STAB1: variants seen among roughly 807,000 people sequenced by gnomAD.
The protein encoded by STAB1 is stabilin-1.
Under a neutral mutation model 332.4 loss-of-function variants are expected in STAB1, and 250 were observed. The ratio of observed to expected loss-of-function variants is 0.75; its 90% CI spans 0.68 to 0.84. The LOEUF is 0.84. Ranked by LOEUF, STAB1 falls within the 40% of genes least tolerant of loss-of-function variation. The pLI is 0.00. For missense variants in STAB1, 3,249 were observed against 3,489.7 expected, an observed-to-expected ratio of 0.93 and a Z score of 1.74; for synonymous variants, 1,475 against 1,390.4, an observed-to-expected ratio of 1.06 and a Z score of -1.35.
intron 48 of STAB1, among the ~76,000 whole-genome samples, 156 bp downstream of exon 48, chr3:52,519,025 C>CTGGGCCTCGCCCACTGCTG (rs2078980066): frequency 6.6e-6 from 1 of 151,960 alleles, no homozygotes; most frequent in Non-Finnish European, 1.5e-5. Context: ...CGCCCTTGAC[C>CTGGGCCTCGCCCACTGCTG]TGGGCCTCGC....
At chr3:52,505,556 T>TC (rs1708788955) in intron 14 of STAB1, 112 bp from the exon 15 acceptor site, 1 of 1,234,930 alleles carries the variant, frequency 8.1e-7, no homozygotes, top group Non-Finnish European at 1.1e-6. Context: ...TGCCCATGTC[T>TC]CCCCCTTACT....
At chr3:52,511,175 G>A (rs1002760316) in intron 25 of STAB1, among the ~76,000 whole-genome samples, 3 of 152,196 alleles carry the variant, frequency 2.0e-5, no homozygotes, top group African/African-American at 7.2e-5. Context: ...TGCAAACAAG[G>A]GCACCTGAGA....
chr3:52,502,317 C>A, intron 5 of STAB1, 89 bp downstream of exon 5: 2 of 1,404,348 alleles, frequency 1.4e-6, no homozygotes, highest in Non-Finnish European at 2.0e-6. Context: ...CCACCTGTCC[C>A]TTCAGCCTCT....
At position 52,517,613 on chromosome 3, in the gene STAB1, C is replaced by G. The variant is rs2153233882; in HGVS notation, c.4627C>G (p.Pro1543Ala). Residue 1543 changes from proline (P) to alanine (A), a missense_variant, in exon 44 of 69, where the codon CCC becomes GCC. Physicochemically the swap from Pro to Ala is conservative, Grantham distance 27 (BLOSUM62 -1). Coordinates refer to ENST00000321725, the MANE Select transcript of STAB1 (RefSeq NM_015136.3). ...CATCCGGACCTGCGAGCTCCTGGAC[C>G]CCTGCTCTAAGGTCAGGACCCTAGT... ...DGIRTCELLD[P>A]CSKNNGGCSP... is the part of the protein sequence containing the mutation. 1 of 1,612,812 alleles carries G rather than the reference C, an allele frequency of 6.2e-7. No individual in the cohort carries two copies. The highest frequency in any genetic ancestry group is 1.3e-5 in the African/African-American group (1 of 75,020).
Position 52,510,439 on chromosome 3 carries a change from G to C in STAB1, c.2719G>C (p.Glu907Gln), listed in dbSNP as rs200964966. ...TGGCCGCGTCTGTGTGGCTATTGAC[G>C]AGTGTGAGCTGGACATGAGAGGTGG... ...GDGRVCVAID[E>Q]CELDMRGGCH... The change falls in exon 25 of 69, where the codon GAG becomes CAG. Residue 907 changes from glutamate (E) to glutamine (Q), a missense_variant. Coordinates refer to ENST00000321725, the MANE Select transcript of STAB1 (RefSeq NM_015136.3). 2.5e-6 allele frequency: 4 copies of C among 1,613,718 alleles called. No individual in the cohort carries two copies. In the African/African-American group the frequency reaches 5.3e-5, roughly 22 times the overall value.
In STAB1 at chr3:52,502,093, T is replaced by C. The variant is rs770768274; in HGVS notation, c.417+2T>C. 7 of 1,613,604 alleles carry C rather than the reference T, an allele frequency of 4.3e-6. No individual in the cohort carries two copies. Among genetic ancestry groups the C allele is most frequent in the South Asian group, 1.1e-5 (1 of 91,074 alleles). On this transcript the variant is annotated splice_donor_variant, in intron 4 of 68. Transcript: ENST00000321725. LOFTEE classifies it high-confidence loss of function. The stretch of plus-strand genomic sequence containing the variant: ...AGGAATGGGACCTGTGTGTGCCAGG[T>C]AAGGGCTGGGCAAGGTGGGGTGGAG...
In STAB1 at chr3:52,513,892, C is replaced by A; in HGVS notation, c.3358C>A (p.Pro1120Thr). The A allele has an allele frequency of 1.2e-6, 2 of 1,603,884 alleles. No homozygotes were observed. The highest frequency in any genetic ancestry group is 1.7e-6 in the Non-Finnish European group (2 of 1,173,040). The change falls in exon 32 of 69, where the codon CCC becomes ACC. Residue 1120 changes from proline (P) to threonine (T), a missense_variant. Pro to Thr is a conservative substitution (Grantham distance 38). Transcript: ENST00000321725. ...VLHILSQVLL[P>T]PRGDVPGGQG... ...CTGTGCTCTGTACCAGGTCTTACTG[C>A]CCCCCCGAGGGGATGTGCCCGGTGG...
intron 10 of STAB1, 62 bp downstream of exon 10, chr3:52,504,217 G>T: frequency 6.5e-7 from 1 of 1,540,130 alleles, no homozygotes; most frequent in Admixed American, 1.9e-5. Flanking sequence ...TTGGCAGGGA[G>T]GGAGGAGCTG....
Position 52,523,914 on chromosome 3 carries a change from T to TGG in STAB1, c.7443_7444dup (p.Ala2482GlyfsTer119), listed in dbSNP as rs752584935. The TGG allele has an allele frequency of 2.2e-5, 36 of 1,608,692 alleles. No individual in the cohort carries two copies. Among genetic ancestry groups the TGG allele is most frequent in the Non-Finnish European group, 2.6e-5 (31 of 1,179,612 alleles). On this transcript the variant is annotated frameshift_variant, in exon 67 of 69. Transcript: ENST00000321725. LOFTEE classifies it high-confidence loss of function. ...GAAGCCCCACCTGTGGCGGCAGGCG[T>TGG]GGGGGCTGTGCTTGCCGCTGGAGCA... is the stretch of plus-strand genomic sequence containing the variant.
chr3:52,502,776 G>A, intron 6 of STAB1, 49 bp downstream of exon 6: 2 of 1,575,760 alleles, frequency 1.3e-6, no homozygotes, highest in Non-Finnish European at 1.7e-6. Context: ...CCTGTGGCCA[G>A]AGCAAAAGAG....
intron 1 of STAB1, among the ~76,000 whole-genome samples, chr3:52,500,115 C>T (rs1708335505): frequency 6.6e-6 from 1 of 152,148 alleles, no homozygotes; most frequent in Non-Finnish European, 1.5e-5. Context: ...CTGCCCTGGA[C>T]TCTGCCTCAC....
At position 52,514,444 on chromosome 3, in the gene STAB1, A is replaced by G; in HGVS notation, c.3626A>G (p.Asn1209Ser). 6.4e-7 allele frequency: 1 copy of G among 1,553,712 alleles called. No individual in the cohort carries two copies. Among genetic ancestry groups the G allele is most frequent in the African/African-American group, 1.4e-5 (1 of 73,130 alleles). ...ACCCTGCGGAAGGGTGGACACCGCA[A>G]CTCCCTCCTGGGCCCTGCCCACTGG... ...METLRKGGHR[N>S]SLLGPAHWIV... Residue 1209 changes from asparagine (N) to serine (S), a missense_variant, in exon 34 of 69, where the codon AAC becomes AGC. Transcript: ENST00000321725.
In STAB1 at chr3:52,508,033, G is replaced by T. The variant is rs373697340; in HGVS notation, c.2148+7G>T. The T allele has an allele frequency of 6.2e-7, 1 of 1,611,702 alleles. No individual in the cohort carries two copies. The highest frequency in any genetic ancestry group is 8.5e-7 in the Non-Finnish European group (1 of 1,179,186). On this transcript the variant is annotated splice_region_variant and intron_variant, in intron 20 of 68. Transcript: ENST00000321725. Reference sequence around the variant, plus strand: ...CTGCAACCAAACCATCATGGTAAGCGTGGGCATGGGTGCCCACTCCCAGGT... The same window carrying T: ...CTGCAACCAAACCATCATGGTAAGCTTGGGCATGGGTGCCCACTCCCAGGT...
At chr3:52,499,760 G>A (rs368676901) in intron 1 of STAB1, among the ~76,000 whole-genome samples, 12 of 149,984 alleles carry the variant, frequency 8.0e-5, no homozygotes, top group African/African-American at 2.7e-4. Flanking sequence ...TTAGCCGGGC[G>A]TAGTGGCGGG....
chr3:52,515,740 G>A (rs2078841056), intron 37 of STAB1, among the ~76,000 whole-genome samples: 1 of 152,082 alleles, frequency 6.6e-6, no homozygotes, highest in African/African-American at 2.4e-5. Flanking sequence ...AGGAAGAAAG[G>A]GCAGTCCAGA....
rs537756258 is a variant in STAB1 at position 52,505,048 on chromosome 3, A to G, written c.1423A>G (p.Ile475Val). The change falls in exon 13 of 69, where the codon ATC becomes GTC. Residue 475 changes from isoleucine to valine, a missense_variant. Coordinates refer to ENST00000321725, the MANE Select transcript of STAB1 (RefSeq NM_015136.3). ...YKDQPQQTFN[I>V]YKANNIAANG... ...AGACCAGCCCCAGCAGACGTTCAAC[A>G]TCTACAAGGCCAACAACATAGCAGC... 6.2e-6 allele frequency: 10 copies of G among 1,613,840 alleles called. No individual in the cohort carries two copies. The highest frequency in any genetic ancestry group is 1.6e-4 in the Middle Eastern group (1 of 6,062).
At position 52,513,907 on chromosome 3, in the gene STAB1, G is replaced by T. The variant is rs772904540; in HGVS notation, c.3373G>T (p.Val1125Leu). The T allele has an allele frequency of 6.2e-7, 1 of 1,604,830 alleles. No homozygotes were observed. The highest frequency in any genetic ancestry group is 1.1e-5 in the South Asian group (1 of 90,500). Residue 1125 changes from valine (V) to leucine (L), a missense_variant, in exon 32 of 69, where the codon GTG becomes TTG. Transcript: ENST00000321725. ...SQVLLPPRGD[V>L]PGGQGLLQQL... is the part of the protein sequence containing the mutation. The stretch of plus-strand genomic sequence containing the variant: ...GGTCTTACTGCCCCCCCGAGGGGAT[G>T]TGCCCGGTGGGCAGGGGTTGCTGCA...
chr3:52,509,457 T>C (rs1277681226), intron 22 of STAB1, 136 bp downstream of exon 22: 1 of 743,762 alleles, frequency 1.3e-6, no homozygotes, highest in Admixed American at 3.0e-5. Context: ...AAGATTTGCC[T>C]AAAAATGGGT....
chr3:52,521,806 T>C (rs779943527), intron 57 of STAB1, 38 bp from the exon 58 acceptor site: 7 of 1,594,928 alleles, frequency 4.4e-6, no homozygotes, highest in Non-Finnish European at 5.1e-6. Context: ...GGAAGGCAAC[T>C]ACTAACCTGG....
Sources: gnomAD v4.1 joint callset for allele counts (sites outside exome capture counted in the v4.1 genomes callset) on GRCh38, gnomAD v4.1.1 for gene constraint, MANE v1.5 for transcripts, NCBI Gene and HGNC (gene_info 2026-07-23, HGNC 2026-07-21) for gene names.